PI4KA: variants seen among roughly 807,000 people sequenced by gnomAD.
The protein encoded by PI4KA is phosphatidylinositol 4-kinase alpha, also known as PI4-kinase alpha.
PI4KA carries 122 observed loss-of-function variants against 271.4 expected under a neutral mutation model. That is an observed-to-expected ratio of 0.45 (90% CI 0.39 to 0.52). The LOEUF (loss-of-function observed/expected upper bound fraction) is 0.52, where lower values mean the gene tolerates loss of function less well. Ranked by LOEUF, PI4KA falls within the 20% of genes least tolerant of loss-of-function variation. The pLI, the probability that PI4KA is intolerant of heterozygous loss-of-function variation, is 0.00. For synonymous variants in PI4KA, 1,041 were observed against 1,078.8 expected, an observed-to-expected ratio of 0.96 and a Z score of 0.69; for missense variants, 1,969 against 2,769.1, an observed-to-expected ratio of 0.71 and a Z score of 6.48.
At chr22:20,807,278 A>G (rs768162063) in intron 10 of PI4KA, 84 bp downstream of exon 10, 2 of 808,206 alleles carry the variant, frequency 2.5e-6, no homozygotes, top group Non-Finnish European at 4.3e-6. Flanking sequence ...GAAAGTGAGT[A>G]CCAGTCTGCA....
At chr22:20,742,151 GT>G in intron 32 of PI4KA, 76 bp downstream of exon 32, 1 of 1,482,766 alleles carries the variant, frequency 6.7e-7, no homozygotes, top group Non-Finnish European at 9.2e-7. Flanking sequence ...ATGCTTGGTG[GT>G]GGCGGCACCA....
At position 20,712,511 on chromosome 22, in the gene PI4KA, T is replaced by C. The variant is rs768760845; in HGVS notation, c.5777A>G (p.Asp1926Gly). 1.2e-6 allele frequency: 2 copies of C among 1,606,154 alleles called. No homozygotes were observed. The highest frequency in any genetic ancestry group is 1.7e-6 in the Non-Finnish European group (2 of 1,177,382). Reference protein sequence around the residue: ...MYDYFTRQYGDESTLAFQQAR... With the variant: ...MYDYFTRQYGGESTLAFQQAR... ...CTGCTGGAAGGCCAGAGTGGACTCATCCCCGTACTGGCGTGTGAAGTAGTC... is the reference window on the plus strand; with the variant it reads ...CTGCTGGAAGGCCAGAGTGGACTCACCCCCGTACTGGCGTGTGAAGTAGTC... Residue 1926 changes from aspartate to glycine, a missense_variant, in exon 50 of 55, where the codon GAT (aspartate) becomes GGT (glycine). Around this residue, in one of 13 missense-constraint regions of PI4KA, gnomAD observed 110 missense variants for 349.8 expected, o/e 0.31. Transcript: ENST00000255882.
chr22:20,856,812 A>G (rs1927655538), intron 1 of PI4KA, among the ~76,000 whole-genome samples: 1 of 152,232 alleles, frequency 6.6e-6, no homozygotes, highest in South Asian at 2.1e-4. Context: ...TCTCGTGACT[A>G]GTGAACATGG....
chr22:20,834,566 G>A lies in PI4KA; in HGVS notation c.363C>T (p.Gly121=). ...YWVEESTARK[G]RGALPVAESF... ...GAAAACATTATATACAATTACCTCT[G>A]CCTTTCCGAGCTGTGCTTTCTTCTA... Residue 121 remains glycine (G), a synonymous_variant, in exon 3 of 55, where the codon GGC becomes GGT. Coordinates refer to ENST00000255882, the MANE Select transcript of PI4KA (RefSeq NM_058004.4). 3 of 1,581,612 alleles carry A rather than the reference G, an allele frequency of 1.9e-6. No individual in the cohort carries two copies. Among genetic ancestry groups the A allele is most frequent in the Non-Finnish European group, 2.6e-6 (3 of 1,150,466 alleles).
At chr22:20,835,473 C>T (rs527838634) in intron 2 of PI4KA, among the ~76,000 whole-genome samples, 4 of 152,080 alleles carry the variant, frequency 2.6e-5, no homozygotes, top group South Asian at 4.1e-4. Context: ...GGCTCACACC[C>T]GTAATCCCAG....
intron 41 of PI4KA, 29 bp downstream of exon 41, chr22:20,727,201 A>G (rs1173684992): frequency 3.1e-6 from 5 of 1,594,812 alleles, no homozygotes; most frequent in Non-Finnish European, 4.3e-6. Context: ...GTCCTACCAG[A>G]GGCCAGCTCA....
At chr22:20,739,903 A>C (rs1447106640) in intron 32 of PI4KA, among the ~76,000 whole-genome samples, 1 of 152,050 alleles carries the variant, frequency 6.6e-6, no homozygotes, top group Non-Finnish European at 1.5e-5. Context: ...TCTGTACAAA[A>C]ACACAAAAAT....
chr22:20,797,392 T>C (rs900227669), intron 17 of PI4KA, among the ~76,000 whole-genome samples: 12 of 152,000 alleles, frequency 7.9e-5, no homozygotes, highest in Admixed American at 3.9e-4. Flanking sequence ...GGGAGGCAGC[T>C]GGCGAGGCAG....
At chr22:20,782,096 C>T (rs947103055) in intron 19 of PI4KA, among the ~76,000 whole-genome samples, 4 of 152,206 alleles carry the variant, frequency 2.6e-5, no homozygotes, top group Non-Finnish European at 4.4e-5. Context: ...GACTTTAGAA[C>T]AGGCTGGCAG....
At position 20,838,409 on chromosome 22, in the gene PI4KA, C is replaced by T. The variant is rs571945942; in HGVS notation, c.273+206G>A. Among the ~76,000 whole-genome samples the T allele has an allele frequency of 3.3e-5, 5 of 152,254 alleles. No homozygotes were observed. The East Asian group carries it at 9.6e-4, about 29-fold the overall frequency. ...TTTTTTACAACATAATATATGCACA[C>T]AATTCTAAAAAACTCAAATTTTCTA... On this transcript the variant is annotated intron_variant, in intron 2 of 54. Coordinates refer to ENST00000255882, the MANE Select transcript of PI4KA (RefSeq NM_058004.4).
intron 1 of PI4KA, among the ~76,000 whole-genome samples, chr22:20,841,662 G>C (rs1458424122): frequency 6.6e-6 from 1 of 152,158 alleles, no homozygotes; most frequent in East Asian, 1.9e-4. Flanking sequence ...CAATCCCCTG[G>C]AAGCTGTGAA....
intron 20 of PI4KA, 42 bp downstream of exon 20, chr22:20,765,542 AC>A (rs765567136): frequency 7.5e-7 from 1 of 1,332,650 alleles, no homozygotes; most frequent in Non-Finnish European, 1.1e-6. Flanking sequence ...CTTTACCTTC[AC>A]TCTGCACTCC....
intron 22 of PI4KA, among the ~76,000 whole-genome samples, chr22:20,761,744 C>T (rs1043943839): frequency 1.3e-5 from 2 of 151,778 alleles, no homozygotes; most frequent in Admixed American, 6.6e-5. Context: ...AGCCACCAAA[C>T]GAGAGGCAGC....
chr22:20,841,118 G>A (rs958885697), intron 1 of PI4KA, among the ~76,000 whole-genome samples: 33 of 152,176 alleles, frequency 2.2e-4, no homozygotes, highest in African/African-American at 7.7e-4. Context: ...TATCTCAGGT[G>A]ATACGCCCAC....
chr22:20,772,332 C>T (rs1601454775), intron 19 of PI4KA, among the ~76,000 whole-genome samples: 1 of 152,174 alleles, frequency 6.6e-6, no homozygotes, highest in African/African-American at 2.4e-5. Context: ...ATAGCAAGTG[C>T]CAGGGCTGTG....
chr22:20,747,518 C>G (rs1011278824), intron 29 of PI4KA, 65 bp downstream of exon 29: 27 of 1,568,934 alleles, frequency 1.7e-5, no homozygotes, highest in Non-Finnish European at 2.3e-5. Context: ...GAGCTCTAAG[C>G]CTTCCCCTGC....
intron 19 of PI4KA, among the ~76,000 whole-genome samples, chr22:20,775,534 C>G (rs1933200787): frequency 1.3e-5 from 2 of 152,352 alleles, no homozygotes; most frequent in Non-Finnish European, 2.9e-5. Context: ...CTCTGCCACT[C>G]TATCTGGCCT....
At chr22:20,846,263 C>CAAAA (rs361641) in intron 1 of PI4KA, among the ~76,000 whole-genome samples, 5 of 82,074 alleles carry the variant, frequency 6.1e-5, no homozygotes, top group Non-Finnish European at 9.5e-5. Context: ...GACTCTATCT[C>CAAAA]AAAAAAAAAA....
At chr22:20,716,732 CCCCTCCCCAGCAGTTGTGG>C (rs1470885986) in intron 45 of PI4KA, among the ~76,000 whole-genome samples, 3 of 152,142 alleles carry the variant, frequency 2.0e-5, no homozygotes, top group African/African-American at 2.4e-5. Flanking sequence ...GCTCTTTTTG[CCCCTCCCCAGCAGTTGTGG>C]CCTTCCCGAT....
Sources: gnomAD v4.1 joint callset for allele counts (sites outside exome capture counted in the v4.1 genomes callset) on GRCh38, gnomAD v4.1.1 for gene constraint, gnomAD v4.1.1 regional missense constraint, MANE v1.5 for transcripts, NCBI Gene and HGNC (gene_info 2026-07-23, HGNC 2026-07-21) for gene names.